Variants in SLC24A2 observed in about 807,000 individuals in gnomAD.
The protein encoded by SLC24A2 is solute carrier family 24 member 2, also known as sodium/potassium/calcium exchanger 2.
Under a neutral mutation model 62.0 loss-of-function variants are expected in SLC24A2, and 36 were observed. That is an observed-to-expected ratio of 0.58 (90% CI 0.44 to 0.77). SLC24A2 has a LOEUF of 0.77. Among genes scored for constraint, SLC24A2 ranks in the 30% least tolerant of loss-of-function variants. The probability of loss-of-function intolerance (pLI) is 0.00; values close to 1 mark genes in which losing one functional copy is unlikely to be tolerated. For missense variants in SLC24A2, 846 were observed against 817.9 expected (o/e 1.03, Z -0.42); for synonymous variants, 358 against 294.0 (o/e 1.22, Z -2.23).
chr9:19,533,605 G>T (rs557176600), intron 8 of SLC24A2, among the ~76,000 whole-genome samples: 18 of 152,288 alleles, frequency 1.2e-4, no homozygotes, highest in African/African-American at 4.1e-4. Context: ...AGATAAGAGA[G>T]TATGTGGAGC....
At chr9:19,689,068 T>C (rs1819967881) in intron 2 of SLC24A2, among the ~76,000 whole-genome samples, 1 of 152,158 alleles carries the variant, frequency 6.6e-6, no homozygotes, top group South Asian at 2.1e-4. Flanking sequence ...TCCCCAGCTA[T>C]TTTCCTAGTT....
Position 19,703,095 on chromosome 9 carries a change from T to C in SLC24A2, c.931-80796A>G, listed in dbSNP as rs549464648. Among the ~76,000 whole-genome samples the C allele has an allele frequency of 2.6e-5, 4 of 152,210 alleles. No individual in the cohort carries two copies. The South Asian group carries it at 6.2e-4, about 24-fold the overall frequency. On this transcript the variant is annotated intron_variant, in intron 2 of 10. Transcript: ENST00000341998. ...TGTTTGTGTGTGTAAGTGTGTGTAC[T>C]AGAGAGAAAGAGAGAGAGAGATACT...
At chr9:19,950,552 T>C in the SLC24A2 span, among the ~76,000 whole-genome samples, 6 of 152,364 alleles carry the variant, frequency 3.9e-5, no homozygotes, top group African/African-American at 1.4e-4. Flanking sequence ...ACCACGTATC[T>C]TGGCACTTTC....
At chr9:20,247,103 G>T in the SLC24A2 span, among the ~76,000 whole-genome samples, 1 of 152,164 alleles carries the variant, frequency 6.6e-6, no homozygotes, top group African/African-American at 2.4e-5. Context: ...CTTACTTTCA[G>T]ATATTATCTC....
At chr9:19,699,435 T>C (rs893712089) in intron 2 of SLC24A2, among the ~76,000 whole-genome samples, 4 of 152,328 alleles carry the variant, frequency 2.6e-5, no homozygotes, top group African/African-American at 9.6e-5. Flanking sequence ...TACAGGCTTA[T>C]AACCAGGAAC....
At chr9:19,568,433 G>A (rs1308577236) in intron 7 of SLC24A2, among the ~76,000 whole-genome samples, 3 of 152,180 alleles carry the variant, frequency 2.0e-5, no homozygotes, top group Non-Finnish European at 2.9e-5. Flanking sequence ...TAGACGCCTT[G>A]CCATCTGGGC....
chr9:20,235,560 G>A, the SLC24A2 span, among the ~76,000 whole-genome samples: 26 of 152,284 alleles, frequency 1.7e-4, no homozygotes, highest in Non-Finnish European at 2.5e-4. Context: ...CTGGTGTGCC[G>A]GTTTTTAATC....
the SLC24A2 span, among the ~76,000 whole-genome samples, chr9:19,915,280 C>T: frequency 2.0e-5 from 3 of 152,052 alleles, no homozygotes; most frequent in Non-Finnish European, 4.4e-5. Flanking sequence ...TTTTTTATTG[C>T]CTAATAATAT....
chr9:19,783,243 A>T (rs1823066697), intron 2 of SLC24A2, among the ~76,000 whole-genome samples: 1 of 152,176 alleles, frequency 6.6e-6, no homozygotes, highest in Non-Finnish European at 1.5e-5. Context: ...CCATTTGATG[A>T]TTTGTATAAG....
chr9:20,213,239 G>A, the SLC24A2 span, among the ~76,000 whole-genome samples: 1 of 151,644 alleles, frequency 6.6e-6, no homozygotes, highest in Admixed American at 6.6e-5. Context: ...ACTCCTTTAA[G>A]CAACTTTTCA....
intron 2 of SLC24A2, among the ~76,000 whole-genome samples, chr9:19,647,302 C>A (rs543452143): frequency 2.0e-5 from 3 of 152,156 alleles, no homozygotes; most frequent in African/African-American, 7.2e-5. Context: ...TTCAAAGCCA[C>A]CCCTTTTTTC....
In SLC24A2 at chr9:19,573,529, C is replaced by CACACACACACAGAGAGAG. The variant is rs1390433234; in HGVS notation, c.1229-61_1229-60insCTCTCTCTGTGTGTGTGT. On this transcript the variant is annotated intron_variant, in intron 6 of 10. Coordinates refer to ENST00000341998, the MANE Select transcript of SLC24A2 (RefSeq NM_020344.4). ...ACACACACACACACACACACACACA[C>CACACACACACAGAGAGAG]AGAGAGAGAGAGAGAGAGAGAGAGA... The CACACACACACAGAGAGAG allele has an allele frequency of 4.2e-5, 18 of 432,762 alleles. No individual in the cohort carries two copies. In the East Asian group the frequency reaches 4.5e-4, roughly 11 times the overall value. 26.8% of individuals were successfully genotyped at this position (432,762 alleles called of 1,614,324 possible).
intron 2 of SLC24A2, among the ~76,000 whole-genome samples, chr9:19,710,226 C>T (rs999276859): frequency 6.6e-6 from 1 of 152,174 alleles, no homozygotes; most frequent in African/African-American, 2.4e-5. Context: ...TACCATGTGA[C>T]CATCATCTGC....
chr9:19,527,489 G>C (rs1412391658), intron 9 of SLC24A2, among the ~76,000 whole-genome samples: 1 of 152,150 alleles, frequency 6.6e-6, no homozygotes, highest in Non-Finnish European at 1.5e-5. Flanking sequence ...TATTATCTTT[G>C]AAAATGTGAA....
At chr9:19,972,872 C>G in the SLC24A2 span, among the ~76,000 whole-genome samples, 1 of 152,134 alleles carries the variant, frequency 6.6e-6, no homozygotes, top group African/African-American at 2.4e-5. Context: ...AGGACTCAAA[C>G]TCAAGTCTTA....
chr9:20,122,898 A>C, the SLC24A2 span, among the ~76,000 whole-genome samples: 1 of 152,128 alleles, frequency 6.6e-6, no homozygotes, highest in Non-Finnish European at 1.5e-5. Flanking sequence ...CCTAAATCTC[A>C]GTTCAATTTT....
At chr9:19,779,273 T>C (rs906752683) in intron 2 of SLC24A2, among the ~76,000 whole-genome samples, 1 of 152,124 alleles carries the variant, frequency 6.6e-6, no homozygotes, top group South Asian at 2.1e-4. Context: ...GAGTCACAAA[T>C]AGAGGATACC....
chr9:19,676,920 T>C (rs902205453), intron 2 of SLC24A2, among the ~76,000 whole-genome samples: 3 of 152,070 alleles, frequency 2.0e-5, no homozygotes, highest in Non-Finnish European at 4.4e-5. Context: ...TAATAAAAAG[T>C]TAAAAAATAA....
chr9:19,550,783 G>C (rs950332795), intron 7 of SLC24A2, among the ~76,000 whole-genome samples: 2 of 150,518 alleles, frequency 1.3e-5, no homozygotes, highest in Admixed American at 6.7e-5. Context: ...ATACTACTAA[G>C]AGAGATTAAC....
Sources: gnomAD v4.1 joint callset for allele counts (sites outside exome capture counted in the v4.1 genomes callset) on GRCh38, gnomAD v4.1.1 for gene constraint, MANE v1.5 for transcripts, NCBI Gene and HGNC (gene_info 2026-07-23, HGNC 2026-07-21) for gene names.